The following CPSF3 variants were observed in gnomAD, a reference collection of about 807,000 sequenced individuals.
CPSF3 encodes the protein cleavage and polyadenylation specificity factor subunit 3.
A neutral mutation model predicts 84.1 loss-of-function variants in CPSF3; 57 were observed. The ratio of observed to expected loss-of-function variants is 0.68; its 90% CI spans 0.55 to 0.85. The LOEUF (loss-of-function observed/expected upper bound fraction) is 0.85. CPSF3 is among the 40% of genes least tolerant of loss of function. The pLI is 0.00. For synonymous variants in CPSF3, 275 were observed against 278.1 expected, an observed-to-expected ratio of 0.99 and a Z score of 0.11; for missense variants, 522 against 838.8, an observed-to-expected ratio of 0.62 and a Z score of 4.66.
At chr2:9,454,823 C>T (rs570984523) in intron 12 of CPSF3, among the ~76,000 whole-genome samples, 134 of 152,104 alleles carry the variant, frequency 8.8e-4, no homozygotes, top group African/African-American at 3.0e-3. Context: ...GGATTACAGG[C>T]GTGAGCCACT....
intron 15 of CPSF3, among the ~76,000 whole-genome samples, chr2:9,463,427 G>A (rs1681799193): frequency 6.6e-6 from 1 of 152,176 alleles, no homozygotes; most frequent in South Asian, 2.1e-4. Flanking sequence ...TTCTGGAGGT[G>A]TTCTAATAAA....
intron 1 of CPSF3, among the ~76,000 whole-genome samples, chr2:9,425,218 C>T (rs1415780788): frequency 6.6e-6 from 1 of 152,194 alleles, no homozygotes; most frequent in Admixed American, 6.5e-5. Context: ...TTCCTCATGG[C>T]TGTAGCTAAA....
intron 6 of CPSF3, 121 bp downstream of exon 6, chr2:9,434,081 A>G (rs1028720991): frequency 2.1e-5 from 13 of 607,954 alleles, no homozygotes; most frequent in Non-Finnish European, 3.6e-5. Flanking sequence ...ACCTTTTTTA[A>G]AATATAAGAA....
intron 7 of CPSF3, among the ~76,000 whole-genome samples, chr2:9,436,758 G>A (rs766973193): frequency 2.9e-4 from 17 of 59,172 alleles, no homozygotes; most frequent in Admixed American, 7.9e-4. Flanking sequence ...GCGACAGAGC[G>A]AGACTCCATC....
chr2:9,465,544 C>CAT (rs1681872339), intron 15 of CPSF3, among the ~76,000 whole-genome samples: 3 of 115,760 alleles, frequency 2.6e-5, no homozygotes, highest in Non-Finnish European at 5.2e-5. Flanking sequence ...CCATATCATA[C>CAT]ACACACACAC....
chr2:9,450,833 C>A (rs1244701651), intron 11 of CPSF3, among the ~76,000 whole-genome samples: 1 of 152,080 alleles, frequency 6.6e-6, no homozygotes, highest in African/African-American at 2.4e-5. Context: ...ATGAGCCAAA[C>A]CTGCAGACGC....
At chr2:9,423,878 GTAACCGGAGACTGGCC>G in intron 1 of CPSF3, 55 bp downstream of exon 1, 1 of 1,600,524 alleles carries the variant, frequency 6.2e-7, no homozygotes, top group Non-Finnish European at 8.5e-7. Context: ...GGCGCGAGGG[GTAACCGGAGACTGGCC>G]TCCTCCGTCG....
At chr2:9,434,305 G>C (rs968075440) in intron 6 of CPSF3, among the ~76,000 whole-genome samples, 1 of 151,844 alleles carries the variant, frequency 6.6e-6, no homozygotes, top group Non-Finnish European at 1.5e-5. Flanking sequence ...GAAGGTGGAG[G>C]TTGCAGTGAG....
chr2:9,456,059 T>G (rs989681349), intron 13 of CPSF3, among the ~76,000 whole-genome samples: 2 of 152,224 alleles, frequency 1.3e-5, no homozygotes. Context: ...GTAGTCTTTG[T>G]TCCTTATGTT....
rs148546566 is a variant in CPSF3 at position 9,462,002 on chromosome 2, C to T, written c.1786+2384C>T. ...GTCTCAAACTCCTGACCTCGTGATC[C>T]GCCTGTGTTGACCTCCCAAGGTGCT... is the stretch of plus-strand genomic sequence containing the variant. On this transcript the variant is annotated intron_variant, in intron 15 of 17. Transcript: ENST00000238112. Among the ~76,000 whole-genome samples the T allele has an allele frequency of 1.4e-4, 22 of 152,126 alleles. No individual in the cohort carries two copies. The East Asian group carries it at 3.1e-3, about 21-fold the overall frequency.
At chr2:9,468,028 C>G (rs1348117675) in intron 16 of CPSF3, 1 of 373,542 alleles carries the variant, frequency 2.7e-6, no homozygotes, top group East Asian at 4.1e-5. Context: ...TGGCACAGGG[C>G]TGGCACAGTT....
chr2:9,445,938 T>C (rs1245324535), intron 10 of CPSF3, among the ~76,000 whole-genome samples: 1 of 152,260 alleles, frequency 6.6e-6, no homozygotes, highest in Non-Finnish European at 1.5e-5. Flanking sequence ...ATGTGTTTTA[T>C]ATGAACTGAC....
intron 15 of CPSF3, among the ~76,000 whole-genome samples, chr2:9,464,620 G>T (rs1236404604): frequency 6.6e-6 from 1 of 151,724 alleles, no homozygotes; most frequent in Non-Finnish European, 1.5e-5. Context: ...TTGAGACAGG[G>T]TCTCACTGTG....
At chr2:9,456,551 G>A (rs143829020) in intron 13 of CPSF3, among the ~76,000 whole-genome samples, 7 of 152,170 alleles carry the variant, frequency 4.6e-5, no homozygotes, top group African/African-American at 1.2e-4. Context: ...ATAGAATTCC[G>A]CTGTAGAATG....
chr2:9,466,235 TGCGC>T (rs1558466006), intron 15 of CPSF3, among the ~76,000 whole-genome samples: 24 of 120,612 alleles, frequency 2.0e-4, no homozygotes, highest in South Asian at 2.8e-4. Context: ...CACACACACG[TGCGC>T]GCACGCACGC....
Position 9,430,664 on chromosome 2 carries a change from CTTGTT to C in CPSF3, c.213-83_213-79del, listed in dbSNP as rs1680554486. On this transcript the variant is annotated intron_variant, in intron 3 of 17. Coordinates refer to ENST00000238112, the MANE Select transcript of CPSF3 (RefSeq NM_016207.4). ...TCAGCACATAGTTGTTTATATAAAA[CTTGTT>C]TTGTACAGTAAGCAACAGTTTCATT... 3.1e-6 allele frequency: 4 copies of C among 1,286,226 alleles called. No homozygotes were observed. In the East Asian group the frequency reaches 7.0e-5, roughly 22 times the overall value. The allele number at this position is 1,286,226 out of a possible 1,614,324, so 79.7% of individuals were successfully genotyped here. A position where few individuals can be genotyped will look rare whatever the true frequency, so the allele number is the denominator to read the frequency against.
intron 14 of CPSF3, 138 bp from the exon 15 acceptor site, chr2:9,459,393 G>T: frequency 1.5e-6 from 1 of 684,486 alleles, no homozygotes; most frequent in South Asian, 1.6e-5. Flanking sequence ...AGTAAACAAT[G>T]AGTCAGTTAA....
chr2:9,467,992 T>G (rs1682035110), intron 16 of CPSF3: 3 of 464,802 alleles, frequency 6.5e-6, no homozygotes, highest in Non-Finnish European at 1.1e-5. Context: ...CGTTTGTGTT[T>G]CATTTAATAC....
chr2:9,451,642 G>A (rs943107869), intron 11 of CPSF3, among the ~76,000 whole-genome samples: 5 of 151,760 alleles, frequency 3.3e-5, no homozygotes, highest in Non-Finnish European at 7.4e-5. Flanking sequence ...CGCACATGGT[G>A]AGCGATGATC....
Sources: gnomAD v4.1 joint callset for allele counts (sites outside exome capture counted in the v4.1 genomes callset) on GRCh38, gnomAD v4.1.1 for gene constraint, MANE v1.5 for transcripts, NCBI Gene and HGNC (gene_info 2026-07-23, HGNC 2026-07-21) for gene names.